Variants in CNTN5 observed in about 807,000 individuals in gnomAD.
CNTN5 encodes contactin-5.
In CNTN5, 77 loss-of-function variants were observed where a neutral mutation model predicts 129.1. The ratio of observed to expected loss-of-function variants is 0.60; its 90% CI spans 0.50 to 0.72. The LOEUF is 0.72. Ranked by LOEUF, CNTN5 falls within the 30% of genes least tolerant of loss-of-function variation. CNTN5 has a pLI of 0.00. For synonymous variants in CNTN5, 509 were observed against 465.6 expected (o/e 1.09, Z -1.20); for missense variants, 1,478 against 1,328.8 (o/e 1.11, Z -1.75).
intron 1 of CNTN5, among the ~76,000 whole-genome samples, chr11:99,075,869 A>T (rs979169124): frequency 1.3e-5 from 2 of 152,242 alleles, no homozygotes; most frequent in Admixed American, 6.5e-5. Context: ...CCAAAAAAGC[A>T]GTGAAAAAGA....
chr11:100,220,622 C>T (rs1949243764), intron 15 of CNTN5, among the ~76,000 whole-genome samples: 2 of 152,076 alleles, frequency 1.3e-5, no homozygotes, highest in African/African-American at 4.8e-5. Context: ...GCTAAGAGTG[C>T]AATTATAGTG....
intron 1 of CNTN5, among the ~76,000 whole-genome samples, chr11:99,044,934 T>G (rs1196426913): frequency 1.3e-5 from 2 of 152,206 alleles, no homozygotes; most frequent in African/African-American, 4.8e-5. Flanking sequence ...CTTACTCTCC[T>G]GGTGTAGTTA....
At chr11:99,947,144 A>G (rs544881620) in intron 7 of CNTN5, among the ~76,000 whole-genome samples, 1 of 151,954 alleles carries the variant, frequency 6.6e-6, no homozygotes, top group South Asian at 2.1e-4. Context: ...TAGAATAAGA[A>G]AGAAAATGCA....
chr11:99,303,572 C>G (rs751270082), intron 1 of CNTN5, among the ~76,000 whole-genome samples: 7 of 150,924 alleles, frequency 4.6e-5, no homozygotes, highest in Non-Finnish European at 8.9e-5. Flanking sequence ...TTGACCCAAA[C>G]TAATATCTCT....
intron 15 of CNTN5, among the ~76,000 whole-genome samples, chr11:100,198,119 ACTT>A (rs1471998330): frequency 6.6e-6 from 1 of 152,002 alleles, no homozygotes; most frequent in Non-Finnish European, 1.5e-5. Context: ...TTCACTGACC[ACTT>A]CTTATGTGTT....
At chr11:99,462,211 C>A (rs901238147) in intron 2 of CNTN5, among the ~76,000 whole-genome samples, 7 of 152,070 alleles carry the variant, frequency 4.6e-5, no homozygotes, top group South Asian at 2.1e-4. Flanking sequence ...TTTTAAAATA[C>A]CCTAGACACA....
chr11:99,905,122 G>A (rs1312884957), intron 6 of CNTN5, among the ~76,000 whole-genome samples: 1 of 152,150 alleles, frequency 6.6e-6, no homozygotes, highest in Non-Finnish European at 1.5e-5. Flanking sequence ...TTCTTTTGCT[G>A]TGCAGAAGCT....
chr11:99,609,046 A>G (rs1053508809), intron 3 of CNTN5, among the ~76,000 whole-genome samples: 5 of 152,158 alleles, frequency 3.3e-5, no homozygotes, highest in Middle Eastern at 3.2e-3. Flanking sequence ...TCACATGACT[A>G]TTCCCAAATG....
intron 3 of CNTN5, among the ~76,000 whole-genome samples, chr11:99,736,746 C>A (rs1477631667): frequency 1.3e-5 from 2 of 151,934 alleles, no homozygotes; most frequent in African/African-American, 4.8e-5. Flanking sequence ...TGCAGTAGGC[C>A]TATCTATATG....
chr11:100,330,778 A>G (rs1489368913), intron 21 of CNTN5, among the ~76,000 whole-genome samples: 2 of 152,218 alleles, frequency 1.3e-5, no homozygotes, highest in Non-Finnish European at 2.9e-5. Flanking sequence ...ACAAATGCTG[A>G]GAGAATTCAC....
intron 2 of CNTN5, among the ~76,000 whole-genome samples, chr11:99,476,502 G>C (rs1397278096): frequency 6.6e-6 from 1 of 152,102 alleles, no homozygotes; most frequent in Non-Finnish European, 1.5e-5. Flanking sequence ...ACGTAGATTT[G>C]TGATAGGAAA....
chr11:100,303,567 CTTTA>C, intron 20 of CNTN5, among the ~76,000 whole-genome samples: 1 of 358 alleles, frequency 2.8e-3, no homozygotes, highest in East Asian at 0.042. Context: ...TTGTGATGCG[CTTTA>C]TCCTTTATCC....
chr11:99,218,596 A>G (rs1860244861), intron 1 of CNTN5, among the ~76,000 whole-genome samples: 1 of 152,070 alleles, frequency 6.6e-6, no homozygotes. Context: ...AGTTTTATGC[A>G]ATCAGGGGTA....
At chr11:99,460,386 G>C (rs1231908775) in intron 2 of CNTN5, among the ~76,000 whole-genome samples, 1 of 151,710 alleles carries the variant, frequency 6.6e-6, no homozygotes, top group African/African-American at 2.4e-5. Context: ...AAGAAGTACT[G>C]TTAACTTTGT....
intron 20 of CNTN5, among the ~76,000 whole-genome samples, chr11:100,305,738 G>T (rs536180400): frequency 6.6e-6 from 1 of 151,566 alleles, no homozygotes; most frequent in South Asian, 2.1e-4. Flanking sequence ...GTTCACTTGG[G>T]TATAAATAGT....
At chr11:99,262,700 G>T (rs1862697206) in intron 1 of CNTN5, among the ~76,000 whole-genome samples, 1 of 150,034 alleles carries the variant, frequency 6.7e-6, no homozygotes, top group East Asian at 2.0e-4. Context: ...TTAAAATTAT[G>T]TTATGTAAAA....
rs1475305437 is a variant in CNTN5, at chr11:99,021,146, G to C, written c.-334G>C. Reference sequence around the variant, plus strand: ...TGAATGATTAAGAACTCCGCAATTCGCCTCTGCCACAGGCTGCAAAGGACC... The same window carrying C: ...TGAATGATTAAGAACTCCGCAATTCCCCTCTGCCACAGGCTGCAAAGGACC... On this transcript the variant is annotated 5_prime_UTR_variant, in exon 1 of 25. Transcript: ENST00000524871. The C allele has an allele frequency of 6.6e-6, 1 of 152,362 alleles. No homozygotes were observed. The highest frequency in any genetic ancestry group is 2.4e-5 in the African/African-American group (1 of 41,444). 9.4% of individuals were successfully genotyped at this position (152,362 alleles called of 1,614,324 possible).
chr11:99,609,742 G>A (rs1481958257), intron 3 of CNTN5, among the ~76,000 whole-genome samples: 3 of 152,012 alleles, frequency 2.0e-5, no homozygotes, highest in African/African-American at 7.2e-5. Context: ...TGTTTATATT[G>A]GGTAGAAGAT....
intron 3 of CNTN5, among the ~76,000 whole-genome samples, chr11:99,658,335 A>C (rs1274457154): frequency 1.3e-5 from 2 of 152,168 alleles, no homozygotes; most frequent in Non-Finnish European, 2.9e-5. Flanking sequence ...AATTCAGAAC[A>C]AGTGAATAGA....
Sources: gnomAD v4.1 joint callset for allele counts (sites outside exome capture counted in the v4.1 genomes callset) on GRCh38, gnomAD v4.1.1 for gene constraint, MANE v1.5 for transcripts, NCBI Gene and HGNC (gene_info 2026-07-23, HGNC 2026-07-21) for gene names.